The following GRIK4 variants were observed in gnomAD, a reference collection of about 807,000 sequenced individuals.
The protein encoded by GRIK4 is glutamate ionotropic receptor kainate type subunit 4, also known as glutamate receptor ionotropic, kainate 4.
In GRIK4, 40 loss-of-function variants were observed where a neutral mutation model predicts 104.9. The observed-to-expected ratio is 0.38, with a 90% CI of 0.30 to 0.50. GRIK4 has a LOEUF of 0.50. Among genes scored for constraint, GRIK4 ranks in the 20% least tolerant of loss-of-function variants. The pLI is 0.93. For missense variants in GRIK4, 1,047 were observed against 1,308.1 expected (o/e 0.80, Z 3.08); for synonymous variants, 485 against 524.9 (o/e 0.92, Z 1.04).
At chr11:120,892,238 A>G (rs1004542170) in intron 11 of GRIK4, among the ~76,000 whole-genome samples, 1 of 152,182 alleles carries the variant, frequency 6.6e-6, no homozygotes, top group Non-Finnish European at 1.5e-5. Context: ...ACCGAAGAGC[A>G]TGAGAAGAGG....
chr11:120,664,523 G>A (rs1160688562), intron 3 of GRIK4, among the ~76,000 whole-genome samples: 1 of 152,196 alleles, frequency 6.6e-6, no homozygotes, highest in African/African-American at 2.4e-5. Flanking sequence ...TGTTACAGAT[G>A]AAGCAATGGA....
At chr11:120,511,934 TGCCCCCGC>T (rs1947662480) in intron 1 of GRIK4, 47 bp downstream of exon 1, 1 of 108,882 alleles carries the variant, frequency 9.2e-6, no homozygotes, top group Admixed American at 1.0e-4. Context: ...CTCCCTGCGC[TGCCCCCGC>T]GCCCCCGAGT....
intron 1 of GRIK4, among the ~76,000 whole-genome samples, chr11:120,556,371 C>T (rs1393172938): frequency 6.6e-6 from 1 of 152,220 alleles, no homozygotes; most frequent in African/African-American, 2.4e-5. Flanking sequence ...TGTCCTCTCT[C>T]CACTCCCCCA....
chr11:120,917,882 G>C (rs2134555623), intron 13 of GRIK4, among the ~76,000 whole-genome samples: 1 of 152,298 alleles, frequency 6.6e-6, no homozygotes, highest in Admixed American at 6.5e-5. Context: ...GGAGTGAAGG[G>C]TCTGCAAAGG....
chr11:120,585,621 T>C (rs1948651830), intron 1 of GRIK4, among the ~76,000 whole-genome samples: 1 of 152,204 alleles, frequency 6.6e-6, no homozygotes, highest in African/African-American at 2.4e-5. Context: ...TGTATCTGAG[T>C]ATTGCCTAAT....
intron 3 of GRIK4, among the ~76,000 whole-genome samples, chr11:120,760,236 A>G (rs1280821559): frequency 6.6e-6 from 1 of 151,592 alleles, no homozygotes; most frequent in Non-Finnish European, 1.5e-5. Flanking sequence ...AACTGAGATA[A>G]TGCAATATTT....
At chr11:120,607,946 A>T (rs1024102670) in intron 1 of GRIK4, among the ~76,000 whole-genome samples, 1 of 152,108 alleles carries the variant, frequency 6.6e-6, no homozygotes, top group Non-Finnish European at 1.5e-5. Context: ...GTTGGAAGAG[A>T]TTGGAAAAGA....
intron 11 of GRIK4, among the ~76,000 whole-genome samples, chr11:120,889,881 G>C (rs1401575545): frequency 6.6e-6 from 1 of 152,116 alleles, no homozygotes; most frequent in African/African-American, 2.4e-5. Context: ...TGGGATTAGA[G>C]GCGTGAGTCA....
intron 13 of GRIK4, among the ~76,000 whole-genome samples, chr11:120,908,731 C>T (rs572285407): frequency 4.3e-4 from 65 of 152,302 alleles, no homozygotes; most frequent in Admixed American, 3.8e-3. Context: ...AACAGTCCAC[C>T]GCAAGGAGGG....
At chr11:120,545,663 T>G (rs1339783560) in intron 1 of GRIK4, among the ~76,000 whole-genome samples, 1 of 152,240 alleles carries the variant, frequency 6.6e-6, no homozygotes, top group African/African-American at 2.4e-5. Flanking sequence ...TAACTACCTC[T>G]GTCTTGTGTG....
In GRIK4 at chr11:120,967,208, G is replaced by C. The variant is rs1389398676; in HGVS notation, c.2280G>C (p.Arg760=). The C allele has an allele frequency of 1.2e-6, 2 of 1,613,334 alleles. No individual in the cohort carries two copies. The highest frequency in any genetic ancestry group is 2.7e-5 in the African/African-American group (2 of 74,894). ...TAACCCCCGCAGGCTCGGTTTTCCG[G>C]GACGAGTTTGATCTGGCCATTCTCC... ...GIGMPVGSVF[R]DEFDLAILQL... The change falls in exon 19 of 21, where the codon CGG becomes CGC. Residue 760 remains arginine (R), a synonymous_variant. Transcript: ENST00000527524. This position sits in a 1 kb window ranked among gnomAD's most constrained non-coding sequence, Gnocchi z 4.2.
At chr11:120,796,722 G>T (rs930022047) in intron 3 of GRIK4, among the ~76,000 whole-genome samples, 9 of 152,096 alleles carry the variant, frequency 5.9e-5, no homozygotes, top group Non-Finnish European at 8.8e-5. Flanking sequence ...TGCTATGACC[G>T]TGGAAGCCAG....
chr11:120,715,760 C>T (rs1301310832), intron 3 of GRIK4, among the ~76,000 whole-genome samples: 1 of 152,230 alleles, frequency 6.6e-6, no homozygotes, highest in East Asian at 1.9e-4. Context: ...ACACCCGCTC[C>T]CTTTTGTGGG....
intron 13 of GRIK4, among the ~76,000 whole-genome samples, chr11:120,914,612 G>T (rs193244190): frequency 1.3e-5 from 2 of 152,180 alleles, no homozygotes; most frequent in Admixed American, 6.5e-5. Flanking sequence ...CTGCAGTGCC[G>T]TTGGTTCTGG....
intron 1 of GRIK4, among the ~76,000 whole-genome samples, chr11:120,648,361 C>G (rs1167257424): frequency 6.6e-6 from 1 of 152,240 alleles, no homozygotes; most frequent in Non-Finnish European, 1.5e-5. Flanking sequence ...GCATGCCTGA[C>G]CCCCTTAGGA....
chr11:120,932,632 G>C (rs890437501), intron 13 of GRIK4, among the ~76,000 whole-genome samples: 1 of 152,182 alleles, frequency 6.6e-6, no homozygotes, highest in Non-Finnish European at 1.5e-5. Context: ...TTGGAATGAA[G>C]GTTTCCAGGA....
At chr11:120,862,968 T>C (rs1954301954) in intron 9 of GRIK4, among the ~76,000 whole-genome samples, 1 of 152,190 alleles carries the variant, frequency 6.6e-6, no homozygotes, top group South Asian at 2.1e-4. Context: ...ATTTCACAGA[T>C]GATAAAACCG....
intron 9 of GRIK4, among the ~76,000 whole-genome samples, chr11:120,866,254 A>G (rs1954405516): frequency 6.6e-6 from 1 of 152,188 alleles, no homozygotes; most frequent in African/African-American, 2.4e-5. Flanking sequence ...ACCTCTGGGA[A>G]GGTGACTCCT....
intron 11 of GRIK4, among the ~76,000 whole-genome samples, chr11:120,885,566 G>T (rs1955094118): frequency 6.6e-6 from 1 of 152,036 alleles, no homozygotes; most frequent in South Asian, 2.1e-4. Context: ...TTGTATTTTA[G>T]TAGAGATGGG....
Sources: allele counts gnomAD v4.1 joint callset (sites outside exome capture counted in the v4.1 genomes callset), GRCh38; gene constraint gnomAD v4.1.1; non-coding constraint Gnocchi (gnomAD v3.1); transcripts MANE v1.5; gene names NCBI Gene and HGNC (gene_info 2026-07-23, HGNC 2026-07-21).